PLOD2: variants seen among roughly 807,000 people sequenced by gnomAD.
The protein encoded by PLOD2 is lysine hydroxylase 2.
PLOD2 carries 65 observed loss-of-function variants against 101.0 expected under a neutral mutation model. The observed-to-expected ratio is 0.64, with a 90% confidence interval of 0.53 to 0.79. The LOEUF (loss-of-function observed/expected upper bound fraction) is 0.79, where lower values mean the gene tolerates loss of function less well. Among genes scored for constraint, PLOD2 ranks in the 30% least tolerant of loss-of-function variants. The pLI, the probability that PLOD2 is intolerant of heterozygous loss-of-function variation, is 0.00. For synonymous variants in PLOD2, 314 were observed against 302.9 expected, an observed-to-expected ratio of 1.04 and a Z score of -0.38; for missense variants, 909 against 914.6, an observed-to-expected ratio of 0.99 and a Z score of 0.08.
At position 146,085,355 on chromosome 3, in the gene PLOD2, T is replaced by A. The variant is rs1375582; in HGVS notation, c.1128-82A>T. Reference sequence around the variant, plus strand: ...GAAAAATGTTAATATATATATTCTTTTATGTAAAATATGGTTCTCTAGCAT... The same window carrying A: ...GAAAAATGTTAATATATATATTCTTATATGTAAAATATGGTTCTCTAGCAT... On this transcript the variant is annotated intron_variant, in intron 10 of 19. Transcript: ENST00000282903. 0.51 allele frequency: 376,056 copies of A among 744,052 alleles called. 95,784 individuals carry two copies. Among genetic ancestry groups the A allele is most frequent in the Middle Eastern group, 0.56 (2,204 of 3,926 alleles). The allele number at this position is 744,052 out of a possible 1,614,324, so 46.1% of individuals were successfully genotyped here.
chr3:146,105,726 A>T (rs77701481), intron 5 of PLOD2, among the ~76,000 whole-genome samples: 4,156 of 152,302 alleles, frequency 0.027, 102 homozygotes, highest in Non-Finnish European at 0.037. Context: ...GGAACCAAGG[A>T]TCCAGTCCCT....
At chr3:146,158,835 T>C (rs909073341) in intron 1 of PLOD2, among the ~76,000 whole-genome samples, 2 of 152,196 alleles carry the variant, frequency 1.3e-5, no homozygotes, top group East Asian at 3.9e-4. Flanking sequence ...CCATTTCTTC[T>C]TGGTTAGCTG....
chr3:146,072,488 C>A, intron 17 of PLOD2, 73 bp downstream of exon 17: 1 of 929,208 alleles, frequency 1.1e-6, no homozygotes, highest in Non-Finnish European at 1.8e-6. Context: ...AAGTATATAA[C>A]CCCTCCGAAT....
chr3:146,110,270 C>G lies in PLOD2; in HGVS notation c.502+15G>C, dbSNP rs755011793. Reference sequence around the variant, plus strand: ...TATAACTTGCATTAAACTTTTCTTCCAGTATCTAACTCACCTCCTGAATTC... The same window carrying G: ...TATAACTTGCATTAAACTTTTCTTCGAGTATCTAACTCACCTCCTGAATTC... On this transcript the variant is annotated intron_variant, in intron 4 of 19. Transcript: ENST00000282903. 1.9e-6 allele frequency: 3 copies of G among 1,610,248 alleles called. No individual in the cohort carries two copies. In the African/African-American group the frequency reaches 4.0e-5, roughly 22 times the overall value.
In PLOD2 at chr3:146,161,023, C is replaced by G. The variant is rs906620544; in HGVS notation, c.-34G>C. ...CTCGAGGGCCGCGCGGGCTCAGGCG[C>G]CCACGGCCCCGCAGCGCCGCGCTTC... On this transcript the variant is annotated 5_prime_UTR_variant, in exon 1 of 20. Coordinates refer to ENST00000282903, the MANE Select transcript of PLOD2 (RefSeq NM_182943.3). 2 of 1,376,916 alleles carry G rather than the reference C, an allele frequency of 1.5e-6. No individual in the cohort carries two copies. Among genetic ancestry groups the G allele is most frequent in the African/African-American group, 2.9e-5 (2 of 69,628 alleles). 85.3% of individuals were successfully genotyped at this position (1,376,916 alleles called of 1,614,324 possible). A position where few individuals can be genotyped will look rare whatever the true frequency, so the allele number is the denominator to read the frequency against.
Position 146,070,636 on chromosome 3 carries a change from C to T in PLOD2, c.*81G>A, listed in dbSNP as rs1310834526. 1.1e-6 allele frequency: 1 copy of T among 909,602 alleles called. No homozygotes were observed. The allele number at this position is 909,602 out of a possible 1,614,324, so 56.3% of individuals were successfully genotyped here. ...GATGTTATTTAAATATTCCTCTCAT[C>T]TTCTCAGCCACAACTTCAAAGACGT... On this transcript the variant is annotated 3_prime_UTR_variant, in exon 20 of 20. Transcript: ENST00000282903.
chr3:146,145,341 T>G (rs2031727700), intron 1 of PLOD2, among the ~76,000 whole-genome samples: 1 of 152,186 alleles, frequency 6.6e-6, no homozygotes, highest in Non-Finnish European at 1.5e-5. Context: ...CAATCTAGTT[T>G]TGTCTATGTG....
chr3:146,151,179 C>T (rs1490602049), intron 1 of PLOD2, among the ~76,000 whole-genome samples: 1 of 152,200 alleles, frequency 6.6e-6, no homozygotes, highest in Non-Finnish European at 1.5e-5. Context: ...CACTCTGTCT[C>T]TACCACCATT....
chr3:146,089,158 A>T lies in PLOD2; in HGVS notation c.880-447T>A, dbSNP rs562972603. Among the ~76,000 whole-genome samples, 4 of 151,692 alleles carry T rather than the reference A, an allele frequency of 2.6e-5. No individual in the cohort carries two copies. In the South Asian group the frequency reaches 6.2e-4, roughly 24 times the overall value. ...AATTTTGAGCACATAAAAAGCAATC[A>T]TGGGAGACCTGAGACTTTATCCTTT... On this transcript the variant is annotated intron_variant, in intron 8 of 19. Coordinates refer to ENST00000282903, the MANE Select transcript of PLOD2 (RefSeq NM_182943.3).
intron 16 of PLOD2, 62 bp from the exon 17 acceptor site, chr3:146,072,727 AGTT>A: frequency 9.9e-7 from 1 of 1,008,736 alleles, no homozygotes; most frequent in Non-Finnish European, 1.6e-6. Context: ...AGTCTAAAAT[AGTT>A]ATTTTAATAT....
chr3:146,147,527 G>A (rs922583331), intron 1 of PLOD2, among the ~76,000 whole-genome samples: 1 of 152,104 alleles, frequency 6.6e-6, no homozygotes, highest in Non-Finnish European at 1.5e-5. Context: ...TTCTTTCTTG[G>A]GGTGGGGCTG....
At chr3:146,097,560 C>T (rs907015490) in intron 7 of PLOD2, among the ~76,000 whole-genome samples, 6 of 110,748 alleles carry the variant, frequency 5.4e-5, no homozygotes, top group Non-Finnish European at 7.3e-5. Flanking sequence ...GGATTAAGGG[C>T]GGTGCAAGAT....
At chr3:146,153,029 G>A (rs1162233024) in intron 1 of PLOD2, among the ~76,000 whole-genome samples, 1 of 152,208 alleles carries the variant, frequency 6.6e-6, no homozygotes, top group Non-Finnish European at 1.5e-5. Flanking sequence ...GACCAGCAGG[G>A]CATTCTGGTC....
chr3:146,104,824 T>C (rs917088384), intron 5 of PLOD2, among the ~76,000 whole-genome samples: 3 of 152,320 alleles, frequency 2.0e-5, no homozygotes, highest in African/African-American at 7.2e-5. Flanking sequence ...AGCATATATC[T>C]GCTTAAAATA....
chr3:146,119,548 T>C (rs1477899521), intron 3 of PLOD2, among the ~76,000 whole-genome samples: 2 of 152,094 alleles, frequency 1.3e-5, no homozygotes, highest in East Asian at 1.9e-4. Context: ...CCCAGTAACT[T>C]GTCATTTAAC....
intron 11 of PLOD2, among the ~76,000 whole-genome samples, chr3:146,084,766 C>T (rs115324755): frequency 0.016 from 2,434 of 152,078 alleles, 70 homozygotes; most frequent in African/African-American, 0.056. Context: ...ATGATTTGTA[C>T]CTCTGAAATT....
At chr3:146,151,121 A>C (rs2108140865) in intron 1 of PLOD2, among the ~76,000 whole-genome samples, 1 of 152,326 alleles carries the variant, frequency 6.6e-6, no homozygotes, top group South Asian at 2.1e-4. Flanking sequence ...TCTTTGGCCT[A>C]ACAAATAATA....
intron 7 of PLOD2, among the ~76,000 whole-genome samples, chr3:146,099,087 C>T (rs1230822383): frequency 1.3e-5 from 2 of 151,836 alleles, no homozygotes; most frequent in Non-Finnish European, 2.9e-5. Context: ...AATAGAATAA[C>T]AAAATGAACT....
chr3:146,154,610 T>G (rs970474925), intron 1 of PLOD2, among the ~76,000 whole-genome samples: 1 of 152,230 alleles, frequency 6.6e-6, no homozygotes, highest in Non-Finnish European at 1.5e-5. Flanking sequence ...TAATTTCTTA[T>G]AGCGGAAAAG....
Sources: gnomAD v4.1 joint callset for allele counts (sites outside exome capture counted in the v4.1 genomes callset) on GRCh38, gnomAD v4.1.1 for gene constraint, MANE v1.5 for transcripts, NCBI Gene and HGNC (gene_info 2026-07-23, HGNC 2026-07-21) for gene names.